Variants in PER2 observed in about 807,000 individuals in gnomAD.
PER2 encodes period circadian protein homolog 2.
In PER2, 66 loss-of-function variants were observed where a neutral mutation model predicts 121.0. That is an observed-to-expected ratio of 0.55 (90% CI 0.45 to 0.67). The LOEUF is 0.67. Ranked by LOEUF, PER2 falls within the 30% of genes least tolerant of loss-of-function variation. The probability of loss-of-function intolerance (pLI) is 0.00; values close to 1 mark genes in which losing one functional copy is unlikely to be tolerated. For synonymous variants in PER2, 684 were observed against 659.9 expected (o/e 1.04, Z -0.56); for missense variants, 1,521 against 1,635.0 (o/e 0.93, Z 1.20).
At chr2:238,271,622 G>C in intron 5 of PER2, 109 bp from the exon 6 acceptor site, 4 of 817,250 alleles carry the variant, frequency 4.9e-6, no homozygotes, top group Admixed American at 3.9e-5. Flanking sequence ...CGTTGGAGGT[G>C]GGGGGCTCTC....
At chr2:238,298,072 C>G in the PER2 span, among the ~76,000 whole-genome samples, 3 of 147,696 alleles carry the variant, frequency 2.0e-5, no homozygotes, top group African/African-American at 5.0e-5. Flanking sequence ...TCGCTCTGTC[C>G]CCCAGGCTCT....
intron 1 of PER2, among the ~76,000 whole-genome samples, chr2:238,280,025 G>A (rs895562241): frequency 2.0e-5 from 3 of 152,178 alleles, no homozygotes; most frequent in East Asian, 1.9e-4. Flanking sequence ...GGAGAAGAAC[G>A]GACACAGGAA....
rs370891039 is a variant in PER2 at position 238,253,073 on chromosome 2, G to T, written c.2950C>A (p.Arg984Ser). 6.2e-7 allele frequency: 1 copy of T among 1,612,528 alleles called. No individual in the cohort carries two copies. The highest frequency in any genetic ancestry group is 8.5e-7 in the Non-Finnish European group (1 of 1,178,830). The part of the protein sequence containing the change: ...GRASPPLFQS[R>S]SSSPLQLNLL... ...TTGAGCTGCAGGGGCGAGCTGCTGC[G>T]GGACTGAAAGAGCGGTGGGGAGGCC... The change falls in exon 19 of 23, where the codon CGC becomes AGC. Residue 984 changes from arginine to serine, a missense_variant. By Grantham distance (110) the Arg-to-Ser change is moderately radical. Coordinates refer to ENST00000254657, the MANE Select transcript of PER2 (RefSeq NM_022817.3). The surrounding 1 kb of genome is among the most constrained non-coding windows in gnomAD (Gnocchi z 5.6).
rs564910992 is a variant in PER2 at position 238,266,177 on chromosome 2, A to C, written c.968-587T>G. On this transcript the variant is annotated intron_variant, in intron 8 of 22. Coordinates refer to ENST00000254657, the MANE Select transcript of PER2 (RefSeq NM_022817.3). ...CTTGGCCTCCCAAAGTGCTGGGACT[A>C]CAGGCGTGAGCCACTGCGCCCGGCC... is the stretch of plus-strand genomic sequence containing the variant. Among the ~76,000 whole-genome samples, 409 of 152,302 alleles carry C rather than the reference A, an allele frequency of 2.7e-3. 2 individuals are homozygous for C. The highest frequency in any genetic ancestry group is 9.4e-3 in the African/African-American group (390 of 41,554).
chr2:238,262,098 C>T (rs560427264), intron 11 of PER2, 93 bp downstream of exon 11: 1 of 1,269,888 alleles, frequency 7.9e-7, no homozygotes, highest in Admixed American at 1.7e-5. Context: ...GGCCTCTCAG[C>T]CCCTCCCTAT....
chr2:238,259,367 T>C (rs1001786260), intron 14 of PER2, among the ~76,000 whole-genome samples: 3 of 152,206 alleles, frequency 2.0e-5, no homozygotes, highest in Admixed American at 6.5e-5. Flanking sequence ...GAGAAATACA[T>C]GCGGGACAGA....
chr2:238,256,849 T>C, intron 17 of PER2, 73 bp downstream of exon 17: 1 of 1,501,644 alleles, frequency 6.7e-7, no homozygotes, highest in Middle Eastern at 1.7e-4. Flanking sequence ...TTAGAAAAAT[T>C]TAAGATGGCA....
rs563977205 is a variant in PER2 at position 238,255,863 on chromosome 2, G to A, written c.2114C>T (p.Ala705Val). ...ASGPESLDCL[A>V]GPALACGLSQ... ...GAGACCACAGGCCAGGGCAGGGCCC[G>A]CCAGGCAGTCCAGGGATTCTGGCCC... Residue 705 changes from alanine (A) to valine (V), a missense_variant, in exon 18 of 23, where the codon GCG becomes GTG. By Grantham distance (64) the Ala-to-Val change is moderately conservative. Coordinates refer to ENST00000254657, the MANE Select transcript of PER2 (RefSeq NM_022817.3). 4.2e-4 allele frequency: 673 copies of A among 1,614,170 alleles called. 10 individuals are homozygous for A. The South Asian group carries it at 6.6e-3, about 16-fold the overall frequency.
At chr2:238,270,916 T>C (rs1234638586) in intron 6 of PER2, among the ~76,000 whole-genome samples, 2 of 152,222 alleles carry the variant, frequency 1.3e-5, no homozygotes, top group South Asian at 4.1e-4. Context: ...CTCTGGGATA[T>C]GACCCACTCA....
chr2:238,255,299 A>C, intron 18 of PER2: 1 of 375,952 alleles, frequency 2.7e-6, no homozygotes, highest in Non-Finnish European at 5.0e-6. Context: ...CTACATGCCC[A>C]CTATCTTGAG....
intron 14 of PER2, 52 bp downstream of exon 14, chr2:238,259,917 T>C (rs1695875539): frequency 7.1e-6 from 6 of 845,644 alleles, no homozygotes; most frequent in Non-Finnish European, 1.2e-5. Flanking sequence ...CCTCTTCTCA[T>C]GTGGCCATAC....
chr2:238,266,709 A>T (rs1423541335), intron 8 of PER2, among the ~76,000 whole-genome samples: 1 of 152,198 alleles, frequency 6.6e-6, no homozygotes, highest in Non-Finnish European at 1.5e-5. Context: ...TTGCAGAGAA[A>T]GTCACATACT....
intron 9 of PER2, among the ~76,000 whole-genome samples, chr2:238,264,056 G>A (rs1016061295): frequency 2.6e-5 from 4 of 152,060 alleles, no homozygotes; most frequent in Non-Finnish European, 5.9e-5. Context: ...GGGGAGCCCT[G>A]GCTGTCCTTG....
Position 238,255,837 on chromosome 2 carries a change from T to A in PER2, c.2140A>T (p.Ser714Cys), listed in dbSNP as rs142744063. 5 of 1,614,096 alleles carry A rather than the reference T, an allele frequency of 3.1e-6. No homozygotes were observed. The African/African-American group carries it at 6.7e-5, about 22-fold the overall frequency. ...LAGPALACGL[S>C]QEKEPFKKLG... ...TTCTTGAAGGGCTCCTTCTCTTGGC[T>A]GAGACCACAGGCCAGGGCAGGGCCC... The change falls in exon 18 of 23, where the codon AGC becomes TGC. Residue 714 changes from serine to cysteine, a missense_variant. Coordinates refer to ENST00000254657, the MANE Select transcript of PER2 (RefSeq NM_022817.3).
At chr2:238,279,985 A>G (rs1332881981) in intron 1 of PER2, among the ~76,000 whole-genome samples, 1 of 152,178 alleles carries the variant, frequency 6.6e-6, no homozygotes, top group Non-Finnish European at 1.5e-5. Context: ...GAGCTCTACC[A>G]CCAGGAAGAT....
chr2:238,270,341 C>T (rs1180396559), intron 6 of PER2, among the ~76,000 whole-genome samples: 10 of 151,728 alleles, frequency 6.6e-5, no homozygotes, highest in Admixed American at 6.6e-4. Context: ...GCAACCTCAT[C>T]AGAAATGAAG....
the PER2 span, chr2:238,298,948 C>G: frequency 3.3e-5 from 5 of 152,258 alleles, no homozygotes; most frequent in Admixed American, 6.5e-5. Context: ...AGATTTACAT[C>G]TCCTACAGCC....
chr2:238,287,102 A>G (rs1230934957), intron 1 of PER2, among the ~76,000 whole-genome samples: 2 of 152,224 alleles, frequency 1.3e-5, no homozygotes, highest in Non-Finnish European at 2.9e-5. Context: ...AGCAGCAGCC[A>G]GCTGGCTGAC....
At chr2:238,273,219 G>A (rs13033501) in intron 4 of PER2, 28 bp from the exon 5 acceptor site, 138,914 of 1,608,088 alleles carry the variant, frequency 0.086, 6,857 homozygotes, top group South Asian at 0.14. Context: ...TTCACTCAGT[G>A]GGCAGAACCC....
Sources: allele counts gnomAD v4.1 joint callset (sites outside exome capture counted in the v4.1 genomes callset), GRCh38; gene constraint gnomAD v4.1.1; non-coding constraint Gnocchi (gnomAD v3.1); transcripts MANE v1.5; gene names NCBI Gene and HGNC (gene_info 2026-07-23, HGNC 2026-07-21).